Variants in SNRNP200 observed in about 807,000 individuals in gnomAD.
SNRNP200 encodes U5 small nuclear ribonucleoprotein 200 kDa helicase.
SNRNP200 carries 66 observed loss-of-function variants against 255.2 expected under a neutral mutation model. The ratio of observed to expected loss-of-function variants is 0.26; its 90% CI spans 0.21 to 0.32. SNRNP200 has a LOEUF of 0.32. Ranked by LOEUF, SNRNP200 falls within the 10% of genes least tolerant of loss-of-function variation. The pLI, the probability that SNRNP200 is intolerant of heterozygous loss-of-function variation, is 1.00. For synonymous variants in SNRNP200, 939 were observed against 1,027.8 expected (o/e 0.91, Z 1.65); for missense variants, 1,585 against 2,749.8 (o/e 0.58, Z 9.47).
intron 23 of SNRNP200, 118 bp from the exon 24 acceptor site, chr2:96,288,864 C>G (rs2063866614): frequency 1.9e-6 from 2 of 1,037,962 alleles, no homozygotes; most frequent in South Asian, 1.3e-5. Flanking sequence ...TCTTGATTTA[C>G]AAATACTAAA....
rs751653315 is a variant in SNRNP200, at chr2:96,295,643, C to T, written c.1687G>A (p.Gly563Ser). 8 of 1,613,758 alleles carry T rather than the reference C, an allele frequency of 5.0e-6. No individual in the cohort carries two copies. Among genetic ancestry groups the T allele is most frequent in the South Asian group, 1.1e-5 (1 of 91,066 alleles). ...GSFGKRLATY[G>S]ITVAELTGDH... ...CCAGTCAGTTCAGCAACAGTGATGC[C>T]ATAAGTGGCCAGGCGCTGTGGGAGG... The change falls in exon 14 of 45, where the codon GGC becomes AGC. Residue 563 changes from glycine to serine, a missense_variant. Coordinates refer to ENST00000323853, the MANE Select transcript of SNRNP200 (RefSeq NM_014014.5).
At chr2:96,276,787 T>G in intron 43 of SNRNP200, 117 bp downstream of exon 43, 23 of 951,600 alleles carry the variant, frequency 2.4e-5, no homozygotes, top group East Asian at 4.8e-5. Flanking sequence ...CTCACCCTTG[T>G]GAGCTGATTA....
At chr2:96,288,850 C>A in intron 23 of SNRNP200, 104 bp from the exon 24 acceptor site, 1 of 1,107,972 alleles carries the variant, frequency 9.0e-7, no homozygotes. Context: ...AGATTTGCTA[C>A]AGGTCTTGAT....
chr2:96,275,359 T>A lies in SNRNP200; in HGVS notation c.6175-10A>T. The A allele has an allele frequency of 6.2e-7, 1 of 1,612,080 alleles. No homozygotes were observed. The highest frequency in any genetic ancestry group is 8.5e-7 in the Non-Finnish European group (1 of 1,179,418). On this transcript the variant is annotated splice_polypyrimidine_tract_variant and intron_variant, in intron 43 of 44. Coordinates refer to ENST00000323853, the MANE Select transcript of SNRNP200 (RefSeq NM_014014.5). ...AGCCCTCTTCACGTTTCTGCAGTGA[T>A]CCAAAACCAAGAATTTCAGCATGTA...
rs779559460 is a variant in SNRNP200 at position 96,275,387 on chromosome 2, A to T, written c.6175-38T>A. The T allele has an allele frequency of 3.8e-6, 6 of 1,566,848 alleles. No individual in the cohort carries two copies. In the Admixed American group the frequency reaches 1.0e-4, roughly 26 times the overall value. ...AAAACCAAGAATTTCAGCATGTAAA[A>T]CTTGATGACCATAGGCAACCATGAA... On this transcript the variant is annotated intron_variant, in intron 43 of 44. Coordinates refer to ENST00000323853, the MANE Select transcript of SNRNP200 (RefSeq NM_014014.5).
rs1291689075 is a variant in SNRNP200, at chr2:96,278,838, G to A, written c.5294C>T (p.Thr1765Ile). Residue 1765 changes from threonine to isoleucine, a missense_variant, in exon 37 of 45, where the codon ACA becomes ATA. Physicochemically the swap from Thr to Ile is moderately conservative, Grantham distance 89. This residue lies in a region of SNRNP200 where 279 missense variants were observed against 551.2 expected (regional missense o/e 0.51). Coordinates refer to ENST00000323853, the MANE Select transcript of SNRNP200 (RefSeq NM_014014.5). The surrounding 1 kb of genome is among the most constrained non-coding windows in gnomAD (Gnocchi z 6.9). ...CAGGTTGTAGTAATTGGGGTTCTGT[G>A]TCATGCGGCGGTACAGAAAGGTCCA... is the stretch of plus-strand genomic sequence containing the variant. ...LTWTFLYRRM[T>I]QNPNYYNLQG... is the part of the protein sequence containing the mutation. 2.5e-6 allele frequency: 4 copies of A among 1,614,232 alleles called. No individual in the cohort carries two copies. The highest frequency in any genetic ancestry group is 2.5e-6 in the Non-Finnish European group (3 of 1,180,048).
Position 96,283,581 on chromosome 2 carries a change from C to T in SNRNP200, c.4717G>A (p.Ala1573Thr). 4 of 1,614,126 alleles carry T rather than the reference C, an allele frequency of 2.5e-6. No homozygotes were observed. Among genetic ancestry groups the T allele is most frequent in the Non-Finnish European group, 3.4e-6 (4 of 1,180,036 alleles). ...VPSRKQTRLT[A>T]IDILTTCAAD... ...GCACAGGTGGTGAGGATGTCAATGG[C>T]AGTGAGGCGGGTCTGCTTGCGAGAC... The change falls in exon 33 of 45, where the codon GCC (alanine) becomes ACC (threonine). Residue 1573 changes from alanine (A) to threonine (T), a missense_variant. Ala to Thr is a moderately conservative substitution (Grantham distance 58). Around this residue, in one of 9 missense-constraint regions of SNRNP200, gnomAD observed 719 missense variants for 1,091.1 expected, o/e 0.66. Transcript: ENST00000323853. This position sits in a 1 kb window ranked among gnomAD's most constrained non-coding sequence, Gnocchi z 4.7.
At position 96,274,900 on chromosome 2, in the gene SNRNP200, C is replaced by G; in HGVS notation, c.*112G>C. 7.9e-7 allele frequency: 1 copy of G among 1,267,902 alleles called. No individual in the cohort carries two copies. Among genetic ancestry groups the G allele is most frequent in the Non-Finnish European group, 1.1e-6 (1 of 873,598 alleles). The allele number at this position is 1,267,902 out of a possible 1,614,324, so 78.5% of individuals were successfully genotyped here. A position where few individuals can be genotyped will look rare whatever the true frequency, so the allele number is the denominator to read the frequency against. ...TAGGCGGGGACAGCACCAGCCCTGG[C>G]TGGCCAGACCTGAGGCCCACAGACC... On this transcript the variant is annotated 3_prime_UTR_variant, in exon 45 of 45. Coordinates refer to ENST00000323853, the MANE Select transcript of SNRNP200 (RefSeq NM_014014.5).
chr2:96,289,058 G>C lies in SNRNP200; in HGVS notation c.3153C>G (p.Ser1051Arg). The part of the protein sequence containing the change: ...LERVPIPVKE[S>R]IEEPSAKINV... ...TCACCTTAGCACTGGGTTCCTCAATGCTCTCCTTTACAGGGATAGGCACCC... is the reference window on the plus strand; with the variant it reads ...TCACCTTAGCACTGGGTTCCTCAATCCTCTCCTTTACAGGGATAGGCACCC... Residue 1051 changes from serine (S) to arginine (R), a missense_variant, in exon 23 of 45, where the codon AGC becomes AGG. This residue lies in a region of SNRNP200 where 719 missense variants were observed against 1,091.1 expected (regional missense o/e 0.66). Coordinates refer to ENST00000323853, the MANE Select transcript of SNRNP200 (RefSeq NM_014014.5). 1 of 1,612,576 alleles carries C rather than the reference G, an allele frequency of 6.2e-7. No homozygotes were observed. Among genetic ancestry groups the C allele is most frequent in the Non-Finnish European group, 8.5e-7 (1 of 1,179,330 alleles).
intron 16 of SNRNP200, among the ~76,000 whole-genome samples, chr2:96,292,454 G>A (rs2063889958): frequency 6.6e-6 from 1 of 152,120 alleles, no homozygotes; most frequent in African/African-American, 2.4e-5. Context: ...AGTTAACATT[G>A]CTCAACTCGA....
At position 96,300,980 on chromosome 2, in the gene SNRNP200, G is replaced by C; in HGVS notation, c.630+18C>G. 1 of 1,608,208 alleles carries C rather than the reference G, an allele frequency of 6.2e-7. No individual in the cohort carries two copies. Among genetic ancestry groups the C allele is most frequent in the Non-Finnish European group, 8.5e-7 (1 of 1,174,862 alleles). On this transcript the variant is annotated intron_variant, in intron 5 of 44. Transcript: ENST00000323853. ...CAACGTCAAAAACAAGAATGGACTG[G>C]GTATGTTTATCACTCACCTCCTCAT...
chr2:96,303,365 A>C, intron 2 of SNRNP200, 35 bp from the exon 3 acceptor site: 1 of 1,613,104 alleles, frequency 6.2e-7, no homozygotes, highest in South Asian at 1.1e-5. Context: ...GAATGGCAGA[A>C]CCTTTCGTCC....
chr2:96,287,319 G>A lies in SNRNP200; in HGVS notation c.3484+120C>T. The A allele has an allele frequency of 8.5e-7, 1 of 1,182,228 alleles. No homozygotes were observed. The highest frequency in any genetic ancestry group is 1.2e-5 in the South Asian group (1 of 81,562). 73.2% of individuals were successfully genotyped at this position (1,182,228 alleles called of 1,614,324 possible). A position where few individuals can be genotyped will look rare whatever the true frequency, so the allele number is the denominator to read the frequency against. On this transcript the variant is annotated intron_variant, in intron 26 of 44. Coordinates refer to ENST00000323853, the MANE Select transcript of SNRNP200 (RefSeq NM_014014.5). The surrounding 1 kb of genome is among the most constrained non-coding windows in gnomAD (Gnocchi z 5.7). Reference sequence around the variant, plus strand: ...AGACCAAGGGCCAGCCTGTACTTCAGTGGGACTTGGGGAGTGAACACAGGA... The same window carrying A: ...AGACCAAGGGCCAGCCTGTACTTCAATGGGACTTGGGGAGTGAACACAGGA...
chr2:96,295,789 G>C, intron 13 of SNRNP200, 131 bp from the exon 14 acceptor site: 1 of 907,702 alleles, frequency 1.1e-6, no homozygotes, highest in Non-Finnish European at 1.7e-6. Context: ...AGGCGAATCA[G>C]ATCTTATGAA....
Position 96,284,150 on chromosome 2 carries a change from C to T in SNRNP200, c.4393-146G>A, listed in dbSNP as rs1401389161. On this transcript the variant is annotated intron_variant, in intron 31 of 44. Coordinates refer to ENST00000323853, the MANE Select transcript of SNRNP200 (RefSeq NM_014014.5). Reference sequence around the variant, plus strand: ...GCTCTCATGTGTTTGGTTCTACCTCCTCCACGGCAGCCAACCTCCACTAAA... The same window carrying T: ...GCTCTCATGTGTTTGGTTCTACCTCTTCCACGGCAGCCAACCTCCACTAAA... 9.9e-6 allele frequency: 9 copies of T among 905,010 alleles called. 1 individual carries two copies. The Admixed American group carries it at 1.4e-4, about 14-fold the overall frequency. The allele number at this position is 905,010 out of a possible 1,614,324, so 56.1% of individuals were successfully genotyped here.
At position 96,283,319 on chromosome 2, in the gene SNRNP200, C is replaced by A. The variant is rs373420811; in HGVS notation, c.4797G>T (p.Pro1599=). Residue 1599 remains proline, a synonymous_variant, in exon 34 of 45, where the codon CCG becomes CCT. Transcript: ENST00000323853. The surrounding 1 kb of genome is among the most constrained non-coding windows in gnomAD (Gnocchi z 4.7). ...TGCTGTCACTTAGCTTCTCCAGGTA[C>A]GGAATCAGATCCTTCTCGGTGCAGT... The part of the protein sequence containing the change: ...FLHCTEKDLI[P]YLEKLSDSTL... The A allele has an allele frequency of 5.0e-6, 8 of 1,613,996 alleles. No individual in the cohort carries two copies. Among genetic ancestry groups the A allele is most frequent in the African/African-American group, 4.0e-5 (3 of 74,890 alleles).
Position 96,283,615 on chromosome 2 carries a change from G to A in SNRNP200, c.4683C>T (p.Val1561=). 1.2e-6 allele frequency: 2 copies of A among 1,614,134 alleles called. No homozygotes were observed. Among genetic ancestry groups the A allele is most frequent in the Non-Finnish European group, 1.7e-6 (2 of 1,180,036 alleles). Residue 1561 remains valine (V), a synonymous_variant, in exon 33 of 45, where the codon GTC becomes GTT. Transcript: ENST00000323853. This position sits in a 1 kb window ranked among gnomAD's most constrained non-coding sequence, Gnocchi z 4.7. ...GGGTCTGCTTGCGAGACGGCACAAA[G>A]ACAATGACAGGCTTCTTGGGCGAGT... The part of the protein sequence containing the change: ...TKHSPKKPVI[V]FVPSRKQTRL...
In SNRNP200 at chr2:96,296,791, C is replaced by T. The variant is rs1383310916; in HGVS notation, c.1516-100G>A. On this transcript the variant is annotated intron_variant, in intron 12 of 44. Coordinates refer to ENST00000323853, the MANE Select transcript of SNRNP200 (RefSeq NM_014014.5). ...TCCCAAATAGAGAATAGAGCTTGTC[C>T]TGGGCACTTTATCCTACTATTTAAC... The T allele has an allele frequency of 3.2e-6, 5 of 1,554,774 alleles. No homozygotes were observed. The Admixed American group carries it at 5.1e-5, about 16-fold the overall frequency.
chr2:96,277,797 C>T lies in SNRNP200; in HGVS notation c.5754+10G>A. The T allele has an allele frequency of 6.2e-7, 1 of 1,614,210 alleles. No individual in the cohort carries two copies. The highest frequency in any genetic ancestry group is 8.5e-7 in the Non-Finnish European group (1 of 1,180,054). Reference sequence around the variant, plus strand: ...ACCACTGACCCCTCTGCCCCACACCCACACTCTACCTTACTAAGGATTTCC... The same window carrying T: ...ACCACTGACCCCTCTGCCCCACACCTACACTCTACCTTACTAAGGATTTCC... On this transcript the variant is annotated intron_variant, in intron 40 of 44. Coordinates refer to ENST00000323853, the MANE Select transcript of SNRNP200 (RefSeq NM_014014.5). The surrounding 1 kb of genome is among the most constrained non-coding windows in gnomAD (Gnocchi z 4.4).
Sources: allele counts gnomAD v4.1 joint callset (sites outside exome capture counted in the v4.1 genomes callset), GRCh38; gene constraint gnomAD v4.1.1; regional missense constraint gnomAD v4.1.1; non-coding constraint Gnocchi (gnomAD v3.1); transcripts MANE v1.5; gene names NCBI Gene and HGNC (gene_info 2026-07-23, HGNC 2026-07-21).